The following EIPR1 variants were observed in gnomAD, a reference collection of about 807,000 sequenced individuals.
EIPR1 encodes the protein EARP and GARP complex-interacting protein 1.
Under a neutral mutation model 48.1 loss-of-function variants are expected in EIPR1, and 25 were observed. The ratio of observed to expected loss-of-function variants is 0.52; its 90% CI spans 0.38 to 0.73. The LOEUF (loss-of-function observed/expected upper bound fraction) is 0.73. Ranked by LOEUF, EIPR1 falls within the 30% of genes least tolerant of loss-of-function variation. The pLI is 0.00. For synonymous variants in EIPR1, 204 were observed against 201.9 expected (o/e 1.01, Z -0.09); for missense variants, 415 against 506.2 (o/e 0.82, Z 1.73).
intron 4 of EIPR1, among the ~76,000 whole-genome samples, chr2:3,218,476 T>C (rs1268845714): frequency 2.1e-5 from 3 of 139,858 alleles, no homozygotes; most frequent in Non-Finnish European, 3.1e-5. Flanking sequence ...TCACAGTGAG[T>C]CAGGTGCACA....
Position 3,197,000 on chromosome 2 carries a change from G to A in EIPR1, c.534C>T (p.Ser178=). The A allele has an allele frequency of 1.2e-6, 2 of 1,613,898 alleles. No homozygotes were observed. Among genetic ancestry groups the A allele is most frequent in the African/African-American group, 1.3e-5 (1 of 75,062 alleles). ...ACTTCAGTTGTCCCTTCCCTTCCAG[G>A]GACGCTGAGCTGGCCAGCTGGGAGT... ...SSQAVLASSA[S]LEGKGQLKFT... Residue 178 remains serine, a synonymous_variant, in exon 6 of 9, where the codon TCC becomes TCT. Coordinates refer to ENST00000382125, the MANE Select transcript of EIPR1 (RefSeq NM_003310.5).
chr2:3,197,967 G>C (rs529399999), intron 5 of EIPR1, among the ~76,000 whole-genome samples: 1 of 152,212 alleles, frequency 6.6e-6, no homozygotes, highest in African/African-American at 2.4e-5. Flanking sequence ...TGACCGAGCT[G>C]GTGCTGGAGT....
chr2:3,255,592 G>A (rs1667130314), intron 4 of EIPR1, among the ~76,000 whole-genome samples: 1 of 152,206 alleles, frequency 6.6e-6, no homozygotes, highest in Non-Finnish European at 1.5e-5. Context: ...TGCATACAGT[G>A]TCTGCACAAG....
At chr2:3,245,566 C>A (rs1666771832) in intron 4 of EIPR1, among the ~76,000 whole-genome samples, 1 of 152,184 alleles carries the variant, frequency 6.6e-6, no homozygotes, top group Admixed American at 6.5e-5. Flanking sequence ...AGACATTTTT[C>A]TATTCTCCTG....
At chr2:3,195,637 T>C (rs1364055723) in intron 6 of EIPR1, among the ~76,000 whole-genome samples, 2 of 152,174 alleles carry the variant, frequency 1.3e-5, no homozygotes, top group Admixed American at 6.5e-5. Context: ...GGGAACTAGA[T>C]GGACAGTCGC....
At chr2:3,192,703 G>A (rs548937356) in intron 7 of EIPR1, 122 bp from the exon 8 acceptor site, 171 of 972,480 alleles carry the variant, frequency 1.8e-4, no homozygotes, top group Non-Finnish European at 2.4e-4. Flanking sequence ...CCAGGCAATC[G>A]GCCCCCAGTC....
Position 3,278,237 on chromosome 2 carries a change from C to T in EIPR1, c.260-20782G>A, listed in dbSNP as rs372251019. Reference sequence around the variant, plus strand: ...GACGCAGGTGGATGGCAAAGGCCACCTGCATCCCTGCATCCTGCCCCATCA... The same window carrying T: ...GACGCAGGTGGATGGCAAAGGCCACTTGCATCCCTGCATCCTGCCCCATCA... On this transcript the variant is annotated intron_variant, in intron 3 of 8. Transcript: ENST00000382125. Among the ~76,000 whole-genome samples, 12 of 152,282 alleles carry T rather than the reference C, an allele frequency of 7.9e-5. No individual in the cohort carries two copies. In the East Asian group the frequency reaches 9.7e-4, roughly 12 times the overall value.
intron 3 of EIPR1, among the ~76,000 whole-genome samples, chr2:3,328,495 C>CGG (rs1553301698): frequency 1.0e-5 from 1 of 99,348 alleles, no homozygotes; most frequent in Non-Finnish European, 2.4e-5. Context: ...CTAATGATCT[C>CGG]GGTGCCAGCC....
In EIPR1 at chr2:3,189,212, C is replaced by G. The variant is rs964284452; in HGVS notation, c.*122G>C. Reference sequence around the variant, plus strand: ...AAATGCTGCTGCTACAGGAAGGGAACAGCGGCTCTCCCAGAGAGGGATCCA... The same window carrying G: ...AAATGCTGCTGCTACAGGAAGGGAAGAGCGGCTCTCCCAGAGAGGGATCCA... On this transcript the variant is annotated 3_prime_UTR_variant, in exon 9 of 9. Coordinates refer to ENST00000382125, the MANE Select transcript of EIPR1 (RefSeq NM_003310.5). The surrounding 1 kb of genome is among the most constrained non-coding windows in gnomAD (Gnocchi z 4.6). 6.3e-5 allele frequency: 67 copies of G among 1,068,456 alleles called. 1 individual carries two copies. In the Middle Eastern group the frequency reaches 8.8e-4, roughly 14 times the overall value. The allele number at this position is 1,068,456 out of a possible 1,614,324, so 66.2% of individuals were successfully genotyped here. A position where few individuals can be genotyped will look rare whatever the true frequency, so the allele number is the denominator to read the frequency against.
rs1352743806 is a variant in EIPR1 at position 3,274,414 on chromosome 2, A to G, written c.260-16959T>C. 3 of 1,550,616 alleles carry G rather than the reference A, an allele frequency of 1.9e-6. No homozygotes were observed. The African/African-American group carries it at 4.1e-5, about 21-fold the overall frequency. On this transcript the variant is annotated intron_variant, in intron 3 of 8. Coordinates refer to ENST00000382125, the MANE Select transcript of EIPR1 (RefSeq NM_003310.5). Reference sequence around the variant, plus strand: ...AAGGAATCCAGAGACAGCACACAACAAAATGCTAGAAAAAAAGTCAGGGCA... The same window carrying G: ...AAGGAATCCAGAGACAGCACACAACGAAATGCTAGAAAAAAAGTCAGGGCA...
At chr2:3,370,912 G>A (rs1209287720) in intron 1 of EIPR1, among the ~76,000 whole-genome samples, 7 of 152,064 alleles carry the variant, frequency 4.6e-5, no homozygotes, top group African/African-American at 1.7e-4. Context: ...TCCTCGAGAA[G>A]AGCAACTCCA....
intron 2 of EIPR1, chr2:3,353,325 TAAG>T (rs1475681530): frequency 2.1e-6 from 1 of 470,926 alleles, no homozygotes; most frequent in Non-Finnish European, 4.4e-6. Flanking sequence ...GTCTTTATTC[TAAG>T]AAGAGATTCA....
rs144663914 is a variant in EIPR1 at position 3,212,882 on chromosome 2, G to A, written c.516+1267C>T. Among the ~76,000 whole-genome samples the A allele has an allele frequency of 5.1e-4, 78 of 152,294 alleles. 1 individual carries two copies. The highest frequency in any genetic ancestry group is 1.7e-3 in the African/African-American group (70 of 41,580). ...AACACCATTGATGCTCTGGGTGAAC[G>A]CCCAACACTTAATTCCGCGGTGAAG... On this transcript the variant is annotated intron_variant, in intron 5 of 8. Coordinates refer to ENST00000382125, the MANE Select transcript of EIPR1 (RefSeq NM_003310.5).
At chr2:3,284,245 G>A (rs1029239487) in intron 3 of EIPR1, among the ~76,000 whole-genome samples, 4 of 130,628 alleles carry the variant, frequency 3.1e-5, no homozygotes, top group African/African-American at 5.9e-5. Flanking sequence ...AGAAGGCCGC[G>A]CCACGGCTGC....
chr2:3,211,749 G>A (rs1665463801), intron 5 of EIPR1, among the ~76,000 whole-genome samples: 1 of 152,236 alleles, frequency 6.6e-6, no homozygotes, highest in African/African-American at 2.4e-5. Context: ...AGAAGGCAGA[G>A]GTGGAGCGAA....
intron 4 of EIPR1, among the ~76,000 whole-genome samples, chr2:3,230,533 G>A (rs1028456192): frequency 6.6e-6 from 1 of 152,180 alleles, no homozygotes; most frequent in Admixed American, 6.5e-5. Flanking sequence ...TGCTCAAAAT[G>A]TTTCAGATTT....
At chr2:3,216,492 C>T (rs1349460036) in intron 4 of EIPR1, among the ~76,000 whole-genome samples, 8 of 112,546 alleles carry the variant, frequency 7.1e-5, no homozygotes, top group Admixed American at 1.1e-4. Context: ...AGATTCCCTT[C>T]GCAACTAACT....
chr2:3,313,029 A>G (rs1216636227), intron 3 of EIPR1, among the ~76,000 whole-genome samples: 1 of 152,172 alleles, frequency 6.6e-6, no homozygotes, highest in African/African-American at 2.4e-5. Context: ...CAGCTTCAAC[A>G]CAAATCTACA....
rs183217295 is a variant in EIPR1 at position 3,341,065 on chromosome 2, C to T, written c.127-2916G>A. On this transcript the variant is annotated intron_variant, in intron 2 of 8. Coordinates refer to ENST00000382125, the MANE Select transcript of EIPR1 (RefSeq NM_003310.5). ...GAGCCGAGATCACGCCACTGCACTC[C>T]AGCCTGGGTGACAGAGTGAGATCCT... Among the ~76,000 whole-genome samples the T allele has an allele frequency of 7.7e-3, 958 of 124,742 alleles. 12 individuals carry two copies. The highest frequency in any genetic ancestry group is 0.028 in the African/African-American group (919 of 32,528). 81.8% of individuals were successfully genotyped at this position (124,742 alleles called of 152,430 possible). A position where few individuals can be genotyped will look rare whatever the true frequency, so the allele number is the denominator to read the frequency against.
Sources: allele counts gnomAD v4.1 joint callset (sites outside exome capture counted in the v4.1 genomes callset), GRCh38; gene constraint gnomAD v4.1.1; non-coding constraint Gnocchi (gnomAD v3.1); transcripts MANE v1.5; gene names NCBI Gene and HGNC (gene_info 2026-07-23, HGNC 2026-07-21).